KIF6: variants seen among roughly 807,000 people sequenced by gnomAD.
The protein encoded by KIF6 is kinesin family member 6.
In KIF6, 106 loss-of-function variants were observed where a neutral mutation model predicts 112.7. The observed-to-expected ratio is 0.94, with a 90% CI of 0.80 to 1.11. The LOEUF is 1.11. KIF6 is among the 50% of genes least tolerant of loss of function. The pLI, the probability that KIF6 is intolerant of heterozygous loss-of-function variation, is 0.00. For missense variants in KIF6, 929 were observed against 964.0 expected (o/e 0.96, Z 0.48); for synonymous variants, 339 against 339.9 (o/e 1.00, Z 0.03).
intron 15 of KIF6, among the ~76,000 whole-genome samples, chr6:39,405,294 G>C (rs1442625471): frequency 6.6e-6 from 1 of 152,112 alleles, no homozygotes; most frequent in Non-Finnish European, 1.5e-5. Context: ...TCTTGCTGCC[G>C]ATCTTAGAGA....
Position 39,485,573 on chromosome 6 carries a change from C to T in KIF6, c.1646-54412G>A, listed in dbSNP as rs368858652. Among the ~76,000 whole-genome samples, 6 of 152,194 alleles carry T rather than the reference C, an allele frequency of 3.9e-5. No homozygotes were observed. The East Asian group carries it at 5.8e-4, about 15-fold the overall frequency. The stretch of plus-strand genomic sequence containing the variant: ...GGAATCCATAAAATCTGTAGTTTAG[C>T]GATTCTCAAGTGAAGAGATTGACAA... On this transcript the variant is annotated intron_variant, in intron 13 of 22. Transcript: ENST00000287152.
chr6:39,452,918 A>C (rs905244422), intron 13 of KIF6, among the ~76,000 whole-genome samples: 1 of 152,132 alleles, frequency 6.6e-6, no homozygotes, highest in African/African-American at 2.4e-5. Context: ...CTCCCCTCCC[A>C]CTTCCAACTC....
rs867723038 is a variant in KIF6, at chr6:39,454,960, C to T, written c.1646-23799G>A. On this transcript the variant is annotated intron_variant, in intron 13 of 22. Coordinates refer to ENST00000287152, the MANE Select transcript of KIF6 (RefSeq NM_145027.6). ...GCTGGGGGAGGGGCGCCCGCCATTG[C>T]CCAGGCTTGCTTAGGTAAACAAAGC... is the stretch of plus-strand genomic sequence containing the variant. 5.1e-3 allele frequency among the ~76,000 whole-genome samples: 773 copies of T among 151,964 alleles called. 5 individuals carry two copies. The highest frequency in any genetic ancestry group is 0.017 in the African/African-American group (718 of 41,514).
intron 16 of KIF6, 121 bp downstream of exon 16, chr6:39,385,501 T>G: frequency 1.3e-6 from 1 of 793,682 alleles, no homozygotes. Context: ...TAGCAACCCT[T>G]GCCATCCTTA....
At chr6:39,424,348 A>T (rs1281093807) in intron 14 of KIF6, among the ~76,000 whole-genome samples, 3 of 152,242 alleles carry the variant, frequency 2.0e-5, no homozygotes, top group Non-Finnish European at 1.5e-5. Context: ...TCATAAGCAG[A>T]TGGCATACTA....
At chr6:39,703,288 CTGGGTG>C (rs141963271) in intron 3 of KIF6, among the ~76,000 whole-genome samples, 10,211 of 151,942 alleles carry the variant, frequency 0.067, 399 homozygotes, top group Middle Eastern at 0.11. Context: ...CACATAAATG[CTGGGTG>C]TGATAAAGCA....
chr6:39,422,745 G>C (rs1770465065), intron 14 of KIF6, among the ~76,000 whole-genome samples: 1 of 152,154 alleles, frequency 6.6e-6, no homozygotes, highest in Non-Finnish European at 1.5e-5. Context: ...CGCCTCTCCA[G>C]CCAGCCCCAG....
intron 22 of KIF6, among the ~76,000 whole-genome samples, chr6:39,340,743 C>A (rs557702118): frequency 3.3e-5 from 5 of 152,168 alleles, no homozygotes; most frequent in African/African-American, 4.8e-5. Flanking sequence ...GGACACCACT[C>A]TGACAGGGAC....
At chr6:39,698,586 C>G (rs187786426) in intron 3 of KIF6, among the ~76,000 whole-genome samples, 1 of 151,956 alleles carries the variant, frequency 6.6e-6, no homozygotes, top group African/African-American at 2.4e-5. Flanking sequence ...GGCTAGGCAC[C>G]GAAACTCAGA....
intron 3 of KIF6, among the ~76,000 whole-genome samples, chr6:39,706,232 A>C (rs1482002272): frequency 9.9e-5 from 15 of 152,216 alleles, no homozygotes; most frequent in African/African-American, 3.1e-4. Context: ...TATTATTGCA[A>C]AAATGATAGT....
Position 39,604,174 on chromosome 6 carries a change from G to A in KIF6, c.640-7914C>T, listed in dbSNP as rs181096475. On this transcript the variant is annotated intron_variant, in intron 6 of 22. Coordinates refer to ENST00000287152, the MANE Select transcript of KIF6 (RefSeq NM_145027.6). Reference sequence around the variant, plus strand: ...TCTATCTGAGTTGAAGACTGAAAATGCTAACTTCCATGTGGTTTTCTAAAT... The same window carrying A: ...TCTATCTGAGTTGAAGACTGAAAATACTAACTTCCATGTGGTTTTCTAAAT... Among the ~76,000 whole-genome samples the A allele has an allele frequency of 1.4e-4, 22 of 152,234 alleles. No homozygotes were observed. In the East Asian group the frequency reaches 3.9e-3, roughly 27 times the overall value.
At chr6:39,622,801 G>A (rs1440604991) in intron 5 of KIF6, among the ~76,000 whole-genome samples, 1 of 152,196 alleles carries the variant, frequency 6.6e-6, no homozygotes, top group Non-Finnish European at 1.5e-5. Flanking sequence ...AAATGTGCAC[G>A]AGATGCTGGA....
In KIF6 at chr6:39,604,558, G is replaced by C. The variant is rs1469339185; in HGVS notation, c.640-8298C>G. The stretch of plus-strand genomic sequence containing the variant: ...GACTTTTCTGTTTATAAGATACCTG[G>C]CTTTTAGGAAAGTAGTCAAAATGAT... On this transcript the variant is annotated intron_variant, in intron 6 of 22. Transcript: ENST00000287152. Among the ~76,000 whole-genome samples, 2 of 152,032 alleles carry C rather than the reference G, an allele frequency of 1.3e-5. 1 individual carries two copies. Among genetic ancestry groups the C allele is most frequent in the Non-Finnish European group, 2.9e-5 (2 of 67,996 alleles).
At chr6:39,705,763 C>T (rs1789171826) in intron 3 of KIF6, among the ~76,000 whole-genome samples, 1 of 152,160 alleles carries the variant, frequency 6.6e-6, no homozygotes, top group Non-Finnish European at 1.5e-5. Flanking sequence ...AGACATGTTC[C>T]TAACAGTTCC....
At chr6:39,706,416 T>C (rs1052807709) in intron 3 of KIF6, among the ~76,000 whole-genome samples, 6 of 152,222 alleles carry the variant, frequency 3.9e-5, no homozygotes. Flanking sequence ...AATGGGAATA[T>C]TATCCCCTTC....
chr6:39,447,766 C>T (rs1034667866), intron 13 of KIF6, among the ~76,000 whole-genome samples: 4 of 152,212 alleles, frequency 2.6e-5, no homozygotes, highest in African/African-American at 9.6e-5. Context: ...TCTACATTCA[C>T]CTCTCAATTC....
At chr6:39,488,556 G>A (rs1472271687) in intron 13 of KIF6, among the ~76,000 whole-genome samples, 6 of 152,074 alleles carry the variant, frequency 3.9e-5, no homozygotes, top group Admixed American at 3.9e-4. Flanking sequence ...TGACTGTATT[G>A]GTCTTGCTTG....
intron 3 of KIF6, among the ~76,000 whole-genome samples, chr6:39,705,127 C>A (rs1454354554): frequency 6.6e-6 from 1 of 152,226 alleles, no homozygotes; most frequent in African/African-American, 2.4e-5. Flanking sequence ...CTGTCCCTAT[C>A]TGCATCACCC....
At chr6:39,382,269 G>C (rs180917407) in intron 16 of KIF6, among the ~76,000 whole-genome samples, 1 of 152,264 alleles carries the variant, frequency 6.6e-6, no homozygotes, top group Admixed American at 6.5e-5. Flanking sequence ...CGTCACGAAG[G>C]TAGTGAACCT....
Sources: allele counts gnomAD v4.1 joint callset (sites outside exome capture counted in the v4.1 genomes callset), GRCh38; gene constraint gnomAD v4.1.1; transcripts MANE v1.5; gene names NCBI Gene and HGNC (gene_info 2026-07-23, HGNC 2026-07-21).